The following FHIT variants were observed in gnomAD, a reference collection of about 807,000 sequenced individuals.
FHIT encodes the protein bis(5'-adenosyl)-triphosphatase.
A neutral mutation model predicts 17.9 loss-of-function variants in FHIT; 19 were observed. That is an observed-to-expected ratio of 1.06 (90% CI 0.74 to 1.56). The LOEUF (loss-of-function observed/expected upper bound fraction) is 1.56, where lower values mean the gene tolerates loss of function less well. Ranked by LOEUF, FHIT falls within the 40% of genes most tolerant of loss-of-function variation. FHIT has a pLI of 0.00. For synonymous variants in FHIT, 81 were observed against 69.7 expected (o/e 1.16, Z -0.81); for missense variants, 248 against 189.2 (o/e 1.31, Z -1.82).
intron 3 of FHIT, among the ~76,000 whole-genome samples, chr3:60,938,705 A>G (rs1483886057): frequency 6.6e-6 from 1 of 152,196 alleles, no homozygotes; most frequent in Non-Finnish European, 1.5e-5. Flanking sequence ...CCTTGGCTGC[A>G]GCTCTCTACA....
At chr3:60,439,245 G>A (rs1195513218) in intron 5 of FHIT, among the ~76,000 whole-genome samples, 1 of 152,074 alleles carries the variant, frequency 6.6e-6, no homozygotes, top group Non-Finnish European at 1.5e-5. Context: ...TCATATTTAA[G>A]GAGGTCTAGA....
At chr3:60,061,599 G>T (rs1033194356) in intron 5 of FHIT, among the ~76,000 whole-genome samples, 2 of 152,120 alleles carry the variant, frequency 1.3e-5, no homozygotes, top group African/African-American at 4.8e-5. Flanking sequence ...TAAATTGTTA[G>T]GCAACCAGAT....
intron 8 of FHIT, among the ~76,000 whole-genome samples, chr3:59,854,437 T>G (rs768321926): frequency 6.6e-6 from 1 of 152,190 alleles, no homozygotes; most frequent in Admixed American, 6.5e-5. Flanking sequence ...GACTTTCCAA[T>G]GAGCATCCCA....
chr3:60,979,543 C>A (rs1355292164), intron 3 of FHIT, among the ~76,000 whole-genome samples: 2 of 152,164 alleles, frequency 1.3e-5, no homozygotes, highest in African/African-American at 2.4e-5. Flanking sequence ...CCTCCTCTGG[C>A]AGTTCTCCAG....
intron 4 of FHIT, among the ~76,000 whole-genome samples, chr3:60,682,358 T>G (rs1011208178): frequency 6.6e-6 from 1 of 152,198 alleles, no homozygotes; most frequent in African/African-American, 2.4e-5. Flanking sequence ...GAGAAGTCGA[T>G]ACCTGGCTTC....
At chr3:60,320,174 G>C (rs957608941) in intron 5 of FHIT, among the ~76,000 whole-genome samples, 3 of 152,108 alleles carry the variant, frequency 2.0e-5, no homozygotes, top group Non-Finnish European at 1.5e-5. Flanking sequence ...CTCTTACGTT[G>C]TTTATGTATA....
At chr3:60,970,157 C>G (rs1364990062) in intron 3 of FHIT, among the ~76,000 whole-genome samples, 1 of 152,190 alleles carries the variant, frequency 6.6e-6, no homozygotes, top group Non-Finnish European at 1.5e-5. Flanking sequence ...ATTCTATTAA[C>G]TACCTGAAGA....
chr3:61,054,109 A>C (rs13088130), intron 2 of FHIT, among the ~76,000 whole-genome samples: 1 of 151,988 alleles, frequency 6.6e-6, no homozygotes, highest in African/African-American at 2.4e-5. Context: ...GGTATCCCCA[A>C]ACTTCATAAG....
intron 4 of FHIT, among the ~76,000 whole-genome samples, chr3:60,568,195 T>A (rs1219891257): frequency 2.0e-5 from 3 of 152,064 alleles, no homozygotes; most frequent in Admixed American, 2.0e-4. Flanking sequence ...TAGCAAAGAC[T>A]TGGAACTGAC....
At position 60,771,515 on chromosome 3, in the gene FHIT, G is replaced by C. The variant is rs79198035; in HGVS notation, c.-18+50404C>G. Among the ~76,000 whole-genome samples the C allele has an allele frequency of 2.0e-5, 3 of 152,274 alleles. No homozygotes were observed. In the East Asian group the frequency reaches 5.8e-4, roughly 29 times the overall value. ...CTGTGTAACTCAGACACGTTGCAGA[G>C]GCCTACATGGCCTACTTCCTGAGAG... On this transcript the variant is annotated intron_variant, in intron 4 of 9. Transcript: ENST00000492590.
At position 59,898,217 on chromosome 3, in the gene FHIT, T is replaced by C. The variant is rs567311431; in HGVS notation, c.348+24129A>G. On this transcript the variant is annotated intron_variant, in intron 8 of 9. Coordinates refer to ENST00000492590, the MANE Select transcript of FHIT (RefSeq NM_002012.4). ...ATTACATACAATTATCTTCAGGCTA[T>C]TTGTACGAGGTCCATATAAGACATA... Among the ~76,000 whole-genome samples the C allele has an allele frequency of 3.1e-3, 476 of 152,342 alleles. 2 individuals carry two copies. The highest frequency in any genetic ancestry group is 0.011 in the African/African-American group (452 of 41,580).
At chr3:60,856,433 G>A (rs574066336) in intron 3 of FHIT, 2 of 152,070 alleles carry the variant, frequency 1.3e-5, no homozygotes, top group South Asian at 4.1e-4. Flanking sequence ...CCCAAAGGAA[G>A]AAAAAAACAA....
At chr3:61,161,494 A>G (rs185243076) in intron 2 of FHIT, among the ~76,000 whole-genome samples, 19 of 152,242 alleles carry the variant, frequency 1.2e-4, no homozygotes, top group South Asian at 8.3e-4. Context: ...GAGCCACTGC[A>G]CCCAGCCACA....
chr3:60,785,934 C>CACACACACACACACACACAG (rs139392863), intron 4 of FHIT, among the ~76,000 whole-genome samples: 51 of 137,990 alleles, frequency 3.7e-4, no homozygotes, highest in Middle Eastern at 4.0e-3. Context: ...CACACACACA[C>CACACACACACACACACACAG]AGAGAGAGTA....
intron 1 of FHIT, among the ~76,000 whole-genome samples, chr3:61,241,390 T>A (rs2040370022): frequency 6.6e-6 from 1 of 152,232 alleles, no homozygotes; most frequent in Non-Finnish European, 1.5e-5. Context: ...CTTCAGTTAA[T>A]GTGGAGTCCA....
At chr3:60,969,849 A>G (rs1709921013) in intron 3 of FHIT, among the ~76,000 whole-genome samples, 1 of 152,100 alleles carries the variant, frequency 6.6e-6, no homozygotes, top group Non-Finnish European at 1.5e-5. Flanking sequence ...TGAATCTTCT[A>G]TATGTTTACT....
intron 4 of FHIT, among the ~76,000 whole-genome samples, chr3:60,673,328 T>A (rs1553694486): frequency 6.6e-6 from 1 of 152,194 alleles, no homozygotes; most frequent in Non-Finnish European, 1.5e-5. Context: ...GTTTTGTTTA[T>A]GCAGCCATAA....
chr3:60,602,217 T>C (rs1162889448), intron 4 of FHIT, among the ~76,000 whole-genome samples: 1 of 152,192 alleles, frequency 6.6e-6, no homozygotes, highest in Non-Finnish European at 1.5e-5. Flanking sequence ...ATGATCAGCA[T>C]TGTCATCCTA....
chr3:60,569,725 CTA>C lies in FHIT; in HGVS notation c.-17-32748_-17-32747del, dbSNP rs1219009137. On this transcript the variant is annotated intron_variant, in intron 4 of 9. Coordinates refer to ENST00000492590, the MANE Select transcript of FHIT (RefSeq NM_002012.4). ...ATTTAGAGATATTTATTTATTAATACTATATATATATATATATATATATATAT... is the reference window on the plus strand; with the variant it reads ...ATTTAGAGATATTTATTTATTAATACTATATATATATATATATATATATAT... Among the ~76,000 whole-genome samples, 94 of 39,116 alleles carry C rather than the reference CTA, an allele frequency of 2.4e-3. 1 individual carries two copies. The highest frequency in any genetic ancestry group is 6.1e-3 in the Admixed American group (16 of 2,632). The allele number at this position is 39,116 out of a possible 152,430, so 25.7% of individuals were successfully genotyped here.
Sources: gnomAD v4.1 joint callset for allele counts (sites outside exome capture counted in the v4.1 genomes callset) on GRCh38, gnomAD v4.1.1 for gene constraint, MANE v1.5 for transcripts, NCBI Gene and HGNC (gene_info 2026-07-23, HGNC 2026-07-21) for gene names.